The following KCTD18 variants were observed in gnomAD, a reference collection of about 807,000 sequenced individuals.
The protein encoded by KCTD18 is BTB/POZ domain-containing protein KCTD18.
Under a neutral mutation model 30.4 loss-of-function variants are expected in KCTD18, and 22 were observed. The observed-to-expected ratio is 0.72, with a 90% CI of 0.52 to 1.03. The LOEUF is 1.03. KCTD18 is among the 50% of genes least tolerant of loss of function. The pLI is 0.00. For missense variants in KCTD18, 529 were observed against 547.6 expected (o/e 0.97, Z 0.34); for synonymous variants, 186 against 209.0 (o/e 0.89, Z 0.95).
intron 3 of KCTD18, among the ~76,000 whole-genome samples, chr2:200,504,518 G>A (rs1405882086): frequency 1.4e-5 from 2 of 147,330 alleles, no homozygotes; most frequent in African/African-American, 5.0e-5. Context: ...CCGTCAAAAA[G>A]TGTTAAATCT....
chr2:200,501,016 G>C (rs1166493296), intron 3 of KCTD18, among the ~76,000 whole-genome samples: 2 of 151,490 alleles, frequency 1.3e-5, no homozygotes, highest in East Asian at 3.9e-4. Context: ...ACAAACCTGA[G>C]AAAAACAAGC....
At chr2:200,502,797 G>A (rs564567254) in intron 3 of KCTD18, among the ~76,000 whole-genome samples, 13 of 152,174 alleles carry the variant, frequency 8.5e-5, no homozygotes, top group African/African-American at 2.6e-4. Context: ...TTGGGAGGCC[G>A]AGGCGGGCAG....
chr2:200,504,703 G>T, intron 3 of KCTD18, 45 bp downstream of exon 3: 2 of 1,344,036 alleles, frequency 1.5e-6, no homozygotes, highest in Non-Finnish European at 1.0e-6. Context: ...ATTGCTTTGT[G>T]CATCATAAAT....
rs764570627 is a variant in KCTD18 at position 200,490,585 on chromosome 2, T to G, written c.796A>C (p.Ser266Arg). 6.3e-7 allele frequency: 1 copy of G among 1,596,602 alleles called. No individual in the cohort carries two copies. Among genetic ancestry groups the G allele is most frequent in the South Asian group, 1.1e-5 (1 of 90,840 alleles). ...RLITFNEADE[S>R]VNYKTGPKPV... The stretch of plus-strand genomic sequence containing the variant: ...TTAGGACCAGTCTTATAGTTCACAC[T>G]TTCGTCCGCTTCATTGAACGTTATC... The change falls in exon 7 of 7, where the codon AGT becomes CGT. Residue 266 changes from serine to arginine, a missense_variant. By Grantham distance (110) the Ser-to-Arg change is moderately radical (BLOSUM62 -1). Transcript: ENST00000359878.
chr2:200,493,365 G>C, intron 5 of KCTD18, 91 bp from the exon 6 acceptor site: 1 of 773,938 alleles, frequency 1.3e-6, no homozygotes, highest in South Asian at 1.4e-5. Context: ...CAGAGTCTGA[G>C]GTTCATGCCT....
At chr2:200,492,852 G>A (rs3769431) in intron 6 of KCTD18, among the ~76,000 whole-genome samples, 11,339 of 152,058 alleles carry the variant, frequency 0.075, 956 homozygotes, top group African/African-American at 0.2. Context: ...ACTATTGCCA[G>A]TAAAGCCTGG....
At chr2:200,495,712 A>ATT (rs879806658) in intron 5 of KCTD18, among the ~76,000 whole-genome samples, 1 of 147,196 alleles carries the variant, frequency 6.8e-6, no homozygotes. Context: ...GAACCTTGTA[A>ATT]TTTTTTTTTT....
Position 200,493,191 on chromosome 2 carries a change from T to G in KCTD18, c.745A>C (p.Met249Leu). The change falls in exon 6 of 7, where the codon ATG becomes CTG. Residue 249 changes from methionine (M) to leucine (L), a missense_variant. Coordinates refer to ENST00000359878, the MANE Select transcript of KCTD18 (RefSeq NM_152387.4). ...ERPLLGSLRH[M>L]APIRKRRLIT... is the part of the protein sequence containing the mutation. ...GATAACCTCTTTCGAATTGGAGCCA[T>G]GTGACGCAGGCTTCCAAGTAAAGGC... 1 of 1,610,830 alleles carries G rather than the reference T, an allele frequency of 6.2e-7. No homozygotes were observed. Among genetic ancestry groups the G allele is most frequent in the African/African-American group, 1.3e-5 (1 of 74,942 alleles).
At chr2:200,507,539 A>G (rs2030267628) in intron 1 of KCTD18, among the ~76,000 whole-genome samples, 1 of 152,240 alleles carries the variant, frequency 6.6e-6, no homozygotes, top group Admixed American at 6.5e-5. Flanking sequence ...TTCCTCTTCC[A>G]TAAAATGGAG....
At chr2:200,505,309 T>C (rs745813194) in intron 2 of KCTD18, among the ~76,000 whole-genome samples, 12 of 152,180 alleles carry the variant, frequency 7.9e-5, no homozygotes, top group Non-Finnish European at 1.3e-4. Context: ...GTGTACTATA[T>C]ACACCATGCT....
chr2:200,491,901 T>C (rs1452998001), intron 6 of KCTD18, among the ~76,000 whole-genome samples: 3 of 152,172 alleles, frequency 2.0e-5, no homozygotes, highest in South Asian at 2.1e-4. Context: ...TATTTGAAAA[T>C]TGCCATCTGT....
At chr2:200,494,446 A>G (rs2087967780) in intron 5 of KCTD18, among the ~76,000 whole-genome samples, 1 of 152,260 alleles carries the variant, frequency 6.6e-6, no homozygotes, top group Non-Finnish European at 1.5e-5. Context: ...TGCTTGGAGT[A>G]ATCTAAGTCC....
intron 6 of KCTD18, 39 bp downstream of exon 6, chr2:200,493,133 T>G: frequency 7.9e-7 from 1 of 1,258,362 alleles, no homozygotes; most frequent in Non-Finnish European, 1.2e-6. Context: ...TGTCAGCGAT[T>G]AAAAAAACAA....
Position 200,504,663 on chromosome 2 carries a change from T to C in KCTD18, c.372+85A>G, listed in dbSNP as rs1051431399. Reference sequence around the variant, plus strand: ...TAAAAACTATCTTGTTTGGTTAATGTGAAAACACAGGCTATGCAAAATAGT... The same window carrying C: ...TAAAAACTATCTTGTTTGGTTAATGCGAAAACACAGGCTATGCAAAATAGT... On this transcript the variant is annotated intron_variant, in intron 3 of 6. Coordinates refer to ENST00000359878, the MANE Select transcript of KCTD18 (RefSeq NM_152387.4). The C allele has an allele frequency of 9.4e-6, 9 of 955,628 alleles. No homozygotes were observed. The African/African-American group carries it at 1.3e-4, about 14-fold the overall frequency. The allele number at this position is 955,628 out of a possible 1,614,324, so 59.2% of individuals were successfully genotyped here.
intron 6 of KCTD18, among the ~76,000 whole-genome samples, chr2:200,490,955 GT>G (rs2087906483): frequency 6.6e-6 from 1 of 151,992 alleles, no homozygotes; most frequent in Non-Finnish European, 1.5e-5. Context: ...ATCACAAATT[GT>G]TTTTCCCAGA....
At position 200,501,200 on chromosome 2, in the gene KCTD18, A is replaced by G. The variant is rs1333486632; in HGVS notation, c.373-2116T>C. On this transcript the variant is annotated intron_variant, in intron 3 of 6. Transcript: ENST00000359878. ...GAAAACCCTAGAAGAAAACCTAGGT[A>G]TTACCATTCAGGACATAGGCATGGG... Among the ~76,000 whole-genome samples the G allele has an allele frequency of 1.9e-3, 287 of 152,006 alleles. 2 individuals are homozygous for G. Among genetic ancestry groups the G allele is most frequent in the Non-Finnish European group, 3.8e-4 (26 of 67,944 alleles).
Position 200,502,709 on chromosome 2 carries a change from TGA to T in KCTD18, c.372+2037_372+2038del, listed in dbSNP as rs1232867809. Among the ~76,000 whole-genome samples, 3 of 152,054 alleles carry T rather than the reference TGA, an allele frequency of 2.0e-5. No individual in the cohort carries two copies. In the South Asian group the frequency reaches 6.2e-4, roughly 31 times the overall value. On this transcript the variant is annotated intron_variant, in intron 3 of 6. Coordinates refer to ENST00000359878, the MANE Select transcript of KCTD18 (RefSeq NM_152387.4). The stretch of plus-strand genomic sequence containing the variant: ...TATAGCTAATGCAGAAGACAGACAT[TGA>T]ATAAGCCACCAGCACCCTGTGTAAG...
At chr2:200,509,605 C>G (rs1443798652) in intron 1 of KCTD18, 23 bp downstream of exon 1, 1 of 152,304 alleles carries the variant, frequency 6.6e-6, no homozygotes, top group African/African-American at 2.4e-5. Context: ...ACAATGTCCC[C>G]CAGAGTGCAT....
chr2:200,508,115 T>A (rs943756263), intron 1 of KCTD18, among the ~76,000 whole-genome samples: 4 of 152,170 alleles, frequency 2.6e-5, no homozygotes, highest in African/African-American at 9.7e-5. Flanking sequence ...TGCTTGTTTG[T>A]TTTTTGAGAT....
Sources: gnomAD v4.1 joint callset for allele counts (sites outside exome capture counted in the v4.1 genomes callset) on GRCh38, gnomAD v4.1.1 for gene constraint, MANE v1.5 for transcripts, NCBI Gene and HGNC (gene_info 2026-07-23, HGNC 2026-07-21) for gene names.